The following UBE2R2 variants were observed in gnomAD, a reference collection of about 807,000 sequenced individuals.
The protein encoded by UBE2R2 is ubiquitin-conjugating enzyme E2 R2.
In UBE2R2, 1 loss-of-function variant was observed where a neutral mutation model predicts 27.8. That is an observed-to-expected ratio of 0.04 (90% confidence interval 0.01 to 0.17). UBE2R2 has a LOEUF of 0.17. UBE2R2 is among the 10% of genes least tolerant of loss of function. The pLI is 1.00. For synonymous variants in UBE2R2, 106 were observed against 113.3 expected, an observed-to-expected ratio of 0.94 and a Z score of 0.41; for missense variants, 100 against 291.0, an observed-to-expected ratio of 0.34 and a Z score of 4.78.
intron 1 of UBE2R2, among the ~76,000 whole-genome samples, chr9:33,876,602 T>G (rs1042426107): frequency 6.6e-6 from 1 of 152,034 alleles, no homozygotes; most frequent in African/African-American, 2.4e-5. Flanking sequence ...AAGCATACTT[T>G]AGGCATGATG....
chr9:33,888,029 T>A (rs1457276035), intron 2 of UBE2R2, among the ~76,000 whole-genome samples: 1 of 152,228 alleles, frequency 6.6e-6, no homozygotes, highest in Non-Finnish European at 1.5e-5. Flanking sequence ...ATTTTGCAGG[T>A]ATCTTTCTGT....
chr9:33,884,198 A>ATC (rs777923492), intron 1 of UBE2R2, among the ~76,000 whole-genome samples: 2,946 of 63,402 alleles, frequency 0.046, 164 homozygotes, highest in Admixed American at 0.098. Flanking sequence ...CAACTTAAGA[A>ATC]TCTCTCTCTC....
At chr9:33,871,376 G>C (rs1309602333) in intron 1 of UBE2R2, among the ~76,000 whole-genome samples, 1 of 152,182 alleles carries the variant, frequency 6.6e-6, no homozygotes, top group African/African-American at 2.4e-5. Context: ...ATAGGTGTCT[G>C]ATGAGTTCGG....
rs902271804 is a variant in UBE2R2, at chr9:33,918,240, T to C, written c.*1003T>C. On this transcript the variant is annotated 3_prime_UTR_variant, in exon 5 of 5. Transcript: ENST00000263228. ...ACACTCGTACCATGACGTTTTGTTT[T>C]TGTTTTTTAAGTAGCCACTTTTAAT... is the stretch of plus-strand genomic sequence containing the variant. 6.6e-6 allele frequency: 1 copy of C among 152,166 alleles called. No homozygotes were observed. Among genetic ancestry groups the C allele is most frequent in the African/African-American group, 2.4e-5 (1 of 41,428 alleles). 9.4% of individuals were successfully genotyped at this position (152,166 alleles called of 1,614,324 possible). A position where few individuals can be genotyped will look rare whatever the true frequency, so the allele number is the denominator to read the frequency against.
intron 4 of UBE2R2, among the ~76,000 whole-genome samples, chr9:33,913,480 T>G (rs1415888828): frequency 6.6e-6 from 1 of 152,108 alleles, no homozygotes; most frequent in African/African-American, 2.4e-5. Context: ...CAGCCTGGTC[T>G]TGAACTCTTG....
At chr9:33,821,364 T>C (rs765952035) in intron 1 of UBE2R2, among the ~76,000 whole-genome samples, 3 of 152,070 alleles carry the variant, frequency 2.0e-5, no homozygotes, top group Non-Finnish European at 4.4e-5. Flanking sequence ...CACTATTTTG[T>C]CCAGGCTGGT....
chr9:33,912,623 C>CAA (rs1219104785), intron 4 of UBE2R2, among the ~76,000 whole-genome samples: 52 of 122,882 alleles, frequency 4.2e-4, no homozygotes, highest in African/African-American at 1.2e-3. Context: ...GACTCCATCT[C>CAA]AAAAAAAAAA....
chr9:33,833,140 G>T (rs1014168218), intron 1 of UBE2R2, among the ~76,000 whole-genome samples: 2 of 152,060 alleles, frequency 1.3e-5, no homozygotes, highest in African/African-American at 4.8e-5. Context: ...TCTCAGCTCA[G>T]TGAAACCTCC....
intron 1 of UBE2R2, among the ~76,000 whole-genome samples, chr9:33,864,712 T>C (rs1284351424): frequency 6.8e-6 from 1 of 146,602 alleles, no homozygotes; most frequent in East Asian, 2.0e-4. Flanking sequence ...CAATCTCAGC[T>C]AACTTTTAAT....
At chr9:33,894,910 G>T (rs1822068224) in intron 2 of UBE2R2, among the ~76,000 whole-genome samples, 1 of 152,154 alleles carries the variant, frequency 6.6e-6, no homozygotes, top group Non-Finnish European at 1.5e-5. Context: ...ATGTCACCCA[G>T]GCTGGTCTGG....
chr9:33,887,732 C>T (rs1255510304), intron 2 of UBE2R2, among the ~76,000 whole-genome samples: 2 of 152,060 alleles, frequency 1.3e-5, no homozygotes, highest in African/African-American at 2.4e-5. Flanking sequence ...AGTGCAGTGG[C>T]GCAATCTCGC....
chr9:33,857,044 G>A (rs983325903), intron 1 of UBE2R2, among the ~76,000 whole-genome samples: 2 of 151,308 alleles, frequency 1.3e-5, no homozygotes, highest in African/African-American at 4.9e-5. Flanking sequence ...TTACAGGCGC[G>A]TGCCACCAGG....
chr9:33,862,869 ATTAC>A (rs771421491), intron 1 of UBE2R2, among the ~76,000 whole-genome samples: 3 of 152,230 alleles, frequency 2.0e-5, no homozygotes, highest in African/African-American at 7.2e-5. Context: ...AAATTCATCT[ATTAC>A]TTTCTTTAAG....
rs1554678168 is a variant in UBE2R2 at position 33,917,702 on chromosome 9, T to TA, written c.*480dup. The TA allele has an allele frequency of 0.026, 3,970 of 149,910 alleles. 37 individuals carry two copies. The highest frequency in any genetic ancestry group is 0.049 in the African/African-American group (1,826 of 37,166). 9.3% of individuals were successfully genotyped at this position (149,910 alleles called of 1,614,324 possible). A position where few individuals can be genotyped will look rare whatever the true frequency, so the allele number is the denominator to read the frequency against. On this transcript the variant is annotated 3_prime_UTR_variant, in exon 5 of 5. Transcript: ENST00000263228. ...GGAAAAAAACCCACAAAACAAACTT[T>TA]AAAAAAAAAAAAAAACAAATTTGCC...
At chr9:33,827,466 C>T (rs997145355) in intron 1 of UBE2R2, among the ~76,000 whole-genome samples, 7 of 152,012 alleles carry the variant, frequency 4.6e-5, no homozygotes, top group African/African-American at 7.3e-5. Flanking sequence ...CATGGCGAAA[C>T]GCTGTCTCAA....
At chr9:33,868,518 G>A (rs1821413058) in intron 1 of UBE2R2, 1 of 152,152 alleles carries the variant, frequency 6.6e-6, no homozygotes, top group Non-Finnish European at 1.5e-5. Flanking sequence ...CTTTGAGCAA[G>A]TTAATAAGAA....
chr9:33,898,141 A>G lies in UBE2R2; in HGVS notation c.265-2033A>G, dbSNP rs1822163754. On this transcript the variant is annotated intron_variant, in intron 2 of 4. Coordinates refer to ENST00000263228, the MANE Select transcript of UBE2R2 (RefSeq NM_017811.4). ...CGCTCTGCCGCCCAGGCTGGAGTGC[A>G]GTGGCGTGATCTCAGCTCACTGTAA... Among the ~76,000 whole-genome samples, 4 of 152,030 alleles carry G rather than the reference A, an allele frequency of 2.6e-5. No individual in the cohort carries two copies. The South Asian group carries it at 8.3e-4, about 32-fold the overall frequency.
At chr9:33,881,431 A>G (rs1227205998) in intron 1 of UBE2R2, among the ~76,000 whole-genome samples, 2 of 152,160 alleles carry the variant, frequency 1.3e-5, no homozygotes, top group East Asian at 1.9e-4. Flanking sequence ...CATCATCTCA[A>G]AAAGAATCCC....
At chr9:33,914,114 G>C (rs1822573155) in intron 4 of UBE2R2, among the ~76,000 whole-genome samples, 1 of 152,124 alleles carries the variant, frequency 6.6e-6, no homozygotes, top group Admixed American at 6.5e-5. Context: ...CAACAGCTTT[G>C]TGTTAGGTAC....
Sources: allele counts gnomAD v4.1 joint callset (sites outside exome capture counted in the v4.1 genomes callset), GRCh38; gene constraint gnomAD v4.1.1; transcripts MANE v1.5; gene names NCBI Gene and HGNC (gene_info 2026-07-23, HGNC 2026-07-21).